The following FGF12 variants were observed in gnomAD, a reference collection of about 807,000 sequenced individuals.
FGF12 encodes fibroblast growth factor 12.
FGF12 carries 14 observed loss-of-function variants against 23.6 expected under a neutral mutation model. The observed-to-expected ratio is 0.59, with a 90% CI of 0.39 to 0.93. The LOEUF is 0.93. Among genes scored for constraint, FGF12 ranks in the 40% least tolerant of loss-of-function variants. The pLI is 0.00. For synonymous variants in FGF12, 62 were observed against 77.3 expected, an observed-to-expected ratio of 0.80 and a Z score of 1.04; for missense variants, 175 against 217.8, an observed-to-expected ratio of 0.80 and a Z score of 1.24.
At chr3:192,388,507 ATGT>A (rs138493209) in intron 2 of FGF12, among the ~76,000 whole-genome samples, 3,250 of 152,206 alleles carry the variant, frequency 0.021, 118 homozygotes, top group African/African-American at 0.074. Context: ...ATTTTCTCAG[ATGT>A]TGTAGAGATC....
chr3:192,499,347 T>G (rs890051910), intron 2 of FGF12, among the ~76,000 whole-genome samples: 5 of 151,186 alleles, frequency 3.3e-5, no homozygotes, highest in South Asian at 2.1e-4. Flanking sequence ...CCAAGTGTAC[T>G]AAGAGGTAAA....
chr3:192,164,089 G>A (rs565997088), intron 5 of FGF12, among the ~76,000 whole-genome samples: 7 of 152,152 alleles, frequency 4.6e-5, no homozygotes, highest in African/African-American at 1.7e-4. Flanking sequence ...TGCAGTAGCT[G>A]AGCAATGTGC....
At chr3:192,390,747 G>C (rs1319276228) in intron 2 of FGF12, among the ~76,000 whole-genome samples, 3 of 152,172 alleles carry the variant, frequency 2.0e-5, no homozygotes, top group Non-Finnish European at 4.4e-5. Flanking sequence ...CGAGGCGTGT[G>C]ACTGATATGA....
intron 2 of FGF12, among the ~76,000 whole-genome samples, chr3:192,424,416 CTT>C (rs759051003): frequency 6.6e-6 from 1 of 152,192 alleles, no homozygotes; most frequent in Non-Finnish European, 1.5e-5. Flanking sequence ...AGGATGCAAA[CTT>C]TGCCTCAGGA....
chr3:192,280,615 T>C lies in FGF12; in HGVS notation c.228+54746A>G, dbSNP rs972924459. Among the ~76,000 whole-genome samples, 49 of 152,118 alleles carry C rather than the reference T, an allele frequency of 3.2e-4. 1 individual carries two copies. The highest frequency in any genetic ancestry group is 5.9e-4 in the Non-Finnish European group (40 of 68,032). ...TACTGCTCTGAATGCTTTACATTTA[T>C]GATATTATTTTTTTCTCACAACGAA... is the stretch of plus-strand genomic sequence containing the variant. On this transcript the variant is annotated intron_variant, in intron 4 of 5. Transcript: ENST00000445105.
At chr3:192,502,119 A>G (rs1156370268) in intron 2 of FGF12, among the ~76,000 whole-genome samples, 1 of 152,126 alleles carries the variant, frequency 6.6e-6, no homozygotes, top group Non-Finnish European at 1.5e-5. Context: ...CCTAGAAATT[A>G]CTTTGTTTTG....
At chr3:192,382,301 A>G (rs1719851901) in intron 2 of FGF12, among the ~76,000 whole-genome samples, 1 of 152,148 alleles carries the variant, frequency 6.6e-6, no homozygotes, top group African/African-American at 2.4e-5. Context: ...GCCTAGCATA[A>G]CACTTTTTAT....
chr3:192,653,133 A>G (rs1263935574), intron 2 of FGF12, among the ~76,000 whole-genome samples: 1 of 152,212 alleles, frequency 6.6e-6, no homozygotes, highest in African/African-American at 2.4e-5. Context: ...ATATTTAAGC[A>G]TGACAGTTAC....
intron 2 of FGF12, among the ~76,000 whole-genome samples, chr3:192,648,398 T>C (rs536492312): frequency 1.3e-5 from 2 of 152,142 alleles, no homozygotes; most frequent in Non-Finnish European, 2.9e-5. Flanking sequence ...CTGAGATACA[T>C]CTATATACAC....
At chr3:192,262,142 T>G (rs746138099) in intron 4 of FGF12, among the ~76,000 whole-genome samples, 2 of 152,174 alleles carry the variant, frequency 1.3e-5, no homozygotes, top group African/African-American at 4.8e-5. Context: ...GGTGACAGAC[T>G]GCTATGAATT....
intron 4 of FGF12, among the ~76,000 whole-genome samples, chr3:192,179,080 A>G (rs776130330): frequency 6.6e-6 from 1 of 152,212 alleles, no homozygotes; most frequent in Admixed American, 6.5e-5. Context: ...ACGCATAATG[A>G]TATTAAATCA....
At chr3:192,692,296 C>A (rs898875302) in intron 2 of FGF12, among the ~76,000 whole-genome samples, 9 of 152,210 alleles carry the variant, frequency 5.9e-5, no homozygotes, top group East Asian at 1.9e-4. Context: ...TTTTACAACT[C>A]ATCTAAAAAG....
chr3:192,264,781 A>C (rs941049132), intron 4 of FGF12, among the ~76,000 whole-genome samples: 1 of 152,092 alleles, frequency 6.6e-6, no homozygotes, highest in African/African-American at 2.4e-5. Context: ...TTCTCAACCA[A>C]CAAGAGTGGA....
chr3:192,370,596 A>T (rs191019169), intron 2 of FGF12, among the ~76,000 whole-genome samples: 1 of 152,292 alleles, frequency 6.6e-6, no homozygotes, highest in Admixed American at 6.5e-5. Context: ...CATGCCCCAC[A>T]TGCTTCAGAG....
chr3:192,417,817 A>C (rs12488767), intron 2 of FGF12, among the ~76,000 whole-genome samples: 55,506 of 151,838 alleles, frequency 0.37, 10,244 homozygotes, highest in Admixed American at 0.44. Context: ...TAGGGAAGGG[A>C]AAGGTTATGC....
At chr3:192,385,560 C>A (rs150709304) in intron 2 of FGF12, among the ~76,000 whole-genome samples, 1 of 151,848 alleles carries the variant, frequency 6.6e-6, no homozygotes, top group Non-Finnish European at 1.5e-5. Flanking sequence ...GAGAATTCAC[C>A]CCCCCCAGCT....
At chr3:192,718,098 C>G (rs902228547) in intron 2 of FGF12, among the ~76,000 whole-genome samples, 3 of 150,424 alleles carry the variant, frequency 2.0e-5, no homozygotes, top group African/African-American at 7.4e-5. Context: ...ATCAGACTTC[C>G]TATCAATAAT....
chr3:192,412,826 G>C (rs899224459), intron 2 of FGF12, among the ~76,000 whole-genome samples: 1 of 152,130 alleles, frequency 6.6e-6, no homozygotes, highest in African/African-American at 2.4e-5. Flanking sequence ...TTTGGGATCA[G>C]GAATGAAATT....
chr3:192,152,763 TGTG>T (rs1203985719), intron 5 of FGF12, among the ~76,000 whole-genome samples: 1 of 113,776 alleles, frequency 8.8e-6, no homozygotes. Flanking sequence ...ATGGGTGTGG[TGTG>T]GTGCTGAAAA....
Sources: gnomAD v4.1 joint callset for allele counts (sites outside exome capture counted in the v4.1 genomes callset) on GRCh38, gnomAD v4.1.1 for gene constraint, MANE v1.5 for transcripts, NCBI Gene and HGNC (gene_info 2026-07-23, HGNC 2026-07-21) for gene names.